The following CEP70 variants were observed in gnomAD, a reference collection of about 807,000 sequenced individuals.
CEP70 encodes centrosomal protein 70, also known as centrosomal protein of 70 kDa.
In CEP70, 70 loss-of-function variants were observed where a neutral mutation model predicts 90.9. The observed-to-expected ratio is 0.77, with a 90% CI of 0.64 to 0.94. The LOEUF (loss-of-function observed/expected upper bound fraction) is 0.94, where lower values mean the gene tolerates loss of function less well. CEP70 is among the 40% of genes least tolerant of loss of function. The pLI is 0.00. For missense variants in CEP70, 648 were observed against 669.0 expected, an observed-to-expected ratio of 0.97 and a Z score of 0.35; for synonymous variants, 220 against 228.3, an observed-to-expected ratio of 0.96 and a Z score of 0.33.
intron 11 of CEP70, among the ~76,000 whole-genome samples, chr3:138,519,702 C>A (rs1446466101): frequency 6.6e-6 from 1 of 152,184 alleles, no homozygotes; most frequent in African/African-American, 2.4e-5. Flanking sequence ...TGGAAAGGAA[C>A]AACCGGTACC....
At chr3:138,571,541 G>T (rs979458325) in intron 3 of CEP70, among the ~76,000 whole-genome samples, 185 bp from the exon 4 acceptor site, 3 of 152,060 alleles carry the variant, frequency 2.0e-5, no homozygotes, top group Admixed American at 6.6e-5. Context: ...TAATAGACTA[G>T]AAGTATGTAA....
At chr3:138,549,242 G>C (rs1415465301) in intron 6 of CEP70, among the ~76,000 whole-genome samples, 1 of 151,474 alleles carries the variant, frequency 6.6e-6, no homozygotes, top group Non-Finnish European at 1.5e-5. Context: ...GTGCAGATTT[G>C]AGAAGCGGGG....
chr3:138,560,340 C>A (rs1468066888), intron 6 of CEP70, among the ~76,000 whole-genome samples: 1 of 152,210 alleles, frequency 6.6e-6, no homozygotes, highest in Non-Finnish European at 1.5e-5. Flanking sequence ...CCAGATACTG[C>A]GCTTTTCCCA....
chr3:138,582,472 A>AAAAAATT (rs60831989), intron 2 of CEP70, among the ~76,000 whole-genome samples: 17,387 of 150,616 alleles, frequency 0.12, 2,046 homozygotes, highest in East Asian at 0.37. Context: ...ACTCCATCTC[A>AAAAAATT]AAAAATTAAA....
At chr3:138,587,930 A>T (rs986906321) in intron 2 of CEP70, among the ~76,000 whole-genome samples, 1 of 152,220 alleles carries the variant, frequency 6.6e-6, no homozygotes, top group Non-Finnish European at 1.5e-5. Flanking sequence ...TTCCAGAAAC[A>T]GACTCATACA....
At chr3:138,517,075 A>AT (rs1376312256) in intron 11 of CEP70, among the ~76,000 whole-genome samples, 2 of 152,244 alleles carry the variant, frequency 1.3e-5, no homozygotes, top group African/African-American at 2.4e-5. Flanking sequence ...ACTTTAAAAC[A>AT]TTCAGATCAT....
chr3:138,541,196 C>T (rs114255409), intron 6 of CEP70, among the ~76,000 whole-genome samples: 3,060 of 152,158 alleles, frequency 0.02, 66 homozygotes, highest in South Asian at 0.067. Flanking sequence ...AGTTTACCTA[C>T]GTAACAAACC....
At chr3:138,522,066 A>G (rs1472716414) in intron 11 of CEP70, among the ~76,000 whole-genome samples, 2 of 152,190 alleles carry the variant, frequency 1.3e-5, no homozygotes, top group African/African-American at 4.8e-5. Flanking sequence ...GCTTTGTTAA[A>G]CAGATGCTTA....
chr3:138,520,136 T>C (rs574148088), intron 11 of CEP70, among the ~76,000 whole-genome samples: 45 of 152,338 alleles, frequency 3.0e-4, no homozygotes, highest in African/African-American at 7.9e-4. Flanking sequence ...GAGCTAACTA[T>C]GTTAAATATA....
intron 11 of CEP70, 55 bp from the exon 12 acceptor site, chr3:138,508,599 CAAGATGATAA>C: frequency 9.1e-7 from 1 of 1,104,294 alleles, no homozygotes; most frequent in Admixed American, 1.7e-5. Flanking sequence ...GACACTGGAC[CAAGATGATAA>C]ACTAAGTCAA....
chr3:138,501,968 G>A (rs943362913), intron 13 of CEP70, among the ~76,000 whole-genome samples: 2 of 151,914 alleles, frequency 1.3e-5, no homozygotes, highest in Non-Finnish European at 2.9e-5. Context: ...ATACTTCTAG[G>A]CCCAAGCACT....
At chr3:138,529,091 TG>T in intron 10 of CEP70, 107 bp downstream of exon 10, 2 of 628,818 alleles carry the variant, frequency 3.2e-6, no homozygotes, top group Non-Finnish European at 5.5e-6. Flanking sequence ...GCTTGAGCCC[TG>T]GAGGTCAAGG....
chr3:138,525,128 G>A (rs2037082117), intron 11 of CEP70, among the ~76,000 whole-genome samples: 1 of 152,050 alleles, frequency 6.6e-6, no homozygotes, highest in South Asian at 2.1e-4. Flanking sequence ...CATGGATGAA[G>A]CTGGAAACCA....
chr3:138,521,302 C>T (rs2036599817), intron 11 of CEP70, among the ~76,000 whole-genome samples: 1 of 151,860 alleles, frequency 6.6e-6, no homozygotes, highest in African/African-American at 2.4e-5. Context: ...CTCTGCCCAG[C>T]CGCCCAGTCT....
At chr3:138,527,369 C>A (rs549880998) in intron 10 of CEP70, among the ~76,000 whole-genome samples, 5 of 150,398 alleles carry the variant, frequency 3.3e-5, no homozygotes, top group African/African-American at 1.2e-4. Flanking sequence ...CATGAATTTG[C>A]GTGTCATCCT....
chr3:138,583,800 G>A lies in CEP70; in HGVS notation c.-6+8054C>T, dbSNP rs1434161119. Among the ~76,000 whole-genome samples the A allele has an allele frequency of 3.3e-5, 5 of 152,078 alleles. 1 individual carries two copies. Among genetic ancestry groups the A allele is most frequent in the Non-Finnish European group, 7.4e-5 (5 of 67,966 alleles). ...AACATACCAAAACCTATGGGATACA[G>A]TGAAAACAGTACTGAGAGAAATTTA... On this transcript the variant is annotated intron_variant, in intron 2 of 17. Transcript: ENST00000264982.
At chr3:138,530,086 C>G (rs1413249542) in intron 8 of CEP70, among the ~76,000 whole-genome samples, 1 of 152,178 alleles carries the variant, frequency 6.6e-6, no homozygotes, top group Non-Finnish European at 1.5e-5. Flanking sequence ...CTGTGAAATG[C>G]AAAGTGCTAG....
chr3:138,588,041 C>A (rs1177277889), intron 2 of CEP70, among the ~76,000 whole-genome samples: 2 of 150,170 alleles, frequency 1.3e-5, no homozygotes, highest in East Asian at 3.9e-4. Context: ...ATGGGATGCC[C>A]ATGTACAAAA....
At chr3:138,506,180 A>C (rs2108696943) in intron 12 of CEP70, among the ~76,000 whole-genome samples, 1 of 152,306 alleles carries the variant, frequency 6.6e-6, no homozygotes, top group Non-Finnish European at 1.5e-5. Flanking sequence ...AGACTATTTA[A>C]GGAAATTAAC....
Sources: gnomAD v4.1 joint callset for allele counts (sites outside exome capture counted in the v4.1 genomes callset) on GRCh38, gnomAD v4.1.1 for gene constraint, MANE v1.5 for transcripts, NCBI Gene and HGNC (gene_info 2026-07-23, HGNC 2026-07-21) for gene names.